Variants in NPIPB2 observed in about 807,000 individuals in gnomAD.
NPIPB2 encodes nuclear pore complex-interacting protein family member B2.
NPIPB2 carries 27 observed loss-of-function variants against 30.8 expected under a neutral mutation model. That is an observed-to-expected ratio of 0.88 (90% CI 0.65 to 1.21). The LOEUF is 1.21. Ranked by LOEUF, NPIPB2 falls within the 50% of genes most tolerant of loss-of-function variation. The pLI, the probability that NPIPB2 is intolerant of heterozygous loss-of-function variation, is 0.00. For synonymous variants in NPIPB2, 147 were observed against 162.0 expected, an observed-to-expected ratio of 0.91 and a Z score of 0.70; for missense variants, 440 against 446.2, an observed-to-expected ratio of 0.99 and a Z score of 0.13.
At chr16:11,956,563 C>T (rs910368170) in intron 1 of NPIPB2, among the ~76,000 whole-genome samples, 4 of 152,150 alleles carry the variant, frequency 2.6e-5, no homozygotes, top group Non-Finnish European at 4.4e-5. Flanking sequence ...GTAGTCCTAG[C>T]TACTTAGGAG....
chr16:11,970,322 CCT>C (rs1267326182), intron 1 of NPIPB2, among the ~76,000 whole-genome samples: 10 of 152,148 alleles, frequency 6.6e-5, no homozygotes, highest in Non-Finnish European at 1.5e-4. Flanking sequence ...AAACAATTCC[CCT>C]GTCTCAGCCT....
intron 2 of NPIPB2, 149 bp from the exon 3 acceptor site, chr16:11,934,073 A>G: frequency 3.0e-6 from 2 of 669,772 alleles, no homozygotes; most frequent in Admixed American, 4.9e-5. Context: ...TCTACTAAAA[A>G]TACAAAAATT....
intron 1 of NPIPB2, among the ~76,000 whole-genome samples, chr16:11,960,480 C>T (rs2055145454): frequency 6.6e-6 from 1 of 151,794 alleles, no homozygotes; most frequent in African/African-American, 2.4e-5. Context: ...CCTCAGGCTC[C>T]CACGTAGCTA....
At chr16:11,962,619 A>C (rs972315537) in intron 1 of NPIPB2, among the ~76,000 whole-genome samples, 1 of 150,986 alleles carries the variant, frequency 6.6e-6, no homozygotes, top group Non-Finnish European at 1.5e-5. Context: ...CTCAAAAAAA[A>C]AAAAAAAAAA....
chr16:11,967,891 T>A, intron 1 of NPIPB2: 1 of 1,591,432 alleles, frequency 6.3e-7, no homozygotes, highest in Non-Finnish European at 8.6e-7. Flanking sequence ...AAATCTTTTG[T>A]CAGAATAGAT....
At chr16:11,976,505 G>A in intron 1 of NPIPB2, 1 of 339,686 alleles carries the variant, frequency 2.9e-6, no homozygotes, top group Non-Finnish European at 5.3e-6. Flanking sequence ...ACCTCAGGAA[G>A]GCAGGGGAGG....
chr16:11,933,839 C>A (rs762507683), exon 3 of NPIPB2: 19 of 1,584,044 alleles, frequency 1.2e-5, no homozygotes, highest in South Asian at 9.9e-5. Flanking sequence ...CTGTCTACGG[C>A]GGTTGGACCT....
At chr16:11,965,255 T>C in intron 1 of NPIPB2, 1 of 1,585,542 alleles carries the variant, frequency 6.3e-7, no homozygotes, top group Non-Finnish European at 8.6e-7. Flanking sequence ...TGCTCTGGAA[T>C]TCTTGTAGAG....
At chr16:11,959,851 C>T (rs922624320) in intron 1 of NPIPB2, among the ~76,000 whole-genome samples, 2 of 152,152 alleles carry the variant, frequency 1.3e-5, no homozygotes, top group Non-Finnish European at 2.9e-5. Context: ...CCATGGTTCA[C>T]TGTAGCCTCA....
intron 1 of NPIPB2, among the ~76,000 whole-genome samples, chr16:11,953,203 T>G (rs1026790300): frequency 2.6e-5 from 4 of 152,182 alleles, no homozygotes; most frequent in African/African-American, 7.2e-5. Flanking sequence ...TGGAGTGCAG[T>G]GGCGCAATGT....
chr16:11,948,282 C>CTG (rs1247690477), intron 1 of NPIPB2, among the ~76,000 whole-genome samples: 1 of 152,088 alleles, frequency 6.6e-6, no homozygotes, highest in African/African-American at 2.4e-5. Flanking sequence ...TCCTAATGAA[C>CTG]TGTGGATCCT....
At chr16:11,967,515 C>A in intron 1 of NPIPB2, 1 of 1,560,572 alleles carries the variant, frequency 6.4e-7, no homozygotes, top group Non-Finnish European at 8.7e-7. Context: ...CTAAGACTCT[C>A]ATGACCACAT....
At chr16:11,951,393 A>C (rs907579689) in intron 1 of NPIPB2, among the ~76,000 whole-genome samples, 86 of 141,628 alleles carry the variant, frequency 6.1e-4, no homozygotes, top group African/African-American at 2.2e-3. Context: ...GAACCTGGGA[A>C]GCGGAGCTTG....
intron 1 of NPIPB2, chr16:11,967,418 G>C (rs1158996683): frequency 9.2e-6 from 7 of 757,928 alleles, no homozygotes; most frequent in Non-Finnish European, 1.3e-5. Context: ...CCAGGAGTTT[G>C]AATGCAGCCT....
chr16:11,962,935 C>A (rs1419459775), intron 1 of NPIPB2, among the ~76,000 whole-genome samples: 1 of 151,844 alleles, frequency 6.6e-6, no homozygotes, highest in African/African-American at 2.4e-5. Context: ...GGCATGATGG[C>A]GCATGCCTGT....
At chr16:11,971,440 A>AGGGGGGGG (rs2055234944) in intron 1 of NPIPB2, among the ~76,000 whole-genome samples, 1 of 45,384 alleles carries the variant, frequency 2.2e-5, no homozygotes, top group Non-Finnish European at 4.1e-5. Flanking sequence ...GGTATGGGGG[A>AGGGGGGGG]GTGGGGTGGT....
intron 1 of NPIPB2, among the ~76,000 whole-genome samples, chr16:11,947,343 T>A (rs895776842): frequency 1.4e-5 from 2 of 147,826 alleles, no homozygotes; most frequent in Admixed American, 6.8e-5. Flanking sequence ...TATATTTATT[T>A]ATTTATTATT....
At chr16:11,973,309 G>T (rs950893263) in intron 1 of NPIPB2, among the ~76,000 whole-genome samples, 1 of 152,126 alleles carries the variant, frequency 6.6e-6, no homozygotes, top group African/African-American at 2.4e-5. Context: ...GCCAAGAGGC[G>T]GGCTTCATTC....
chr16:11,965,069 T>C, intron 1 of NPIPB2: 4 of 506,014 alleles, frequency 7.9e-6, no homozygotes, highest in Non-Finnish European at 7.0e-6. Flanking sequence ...TCAGATGTGA[T>C]ATGCCCTGAT....
Sources: gnomAD v4.1 joint callset for allele counts (sites outside exome capture counted in the v4.1 genomes callset) on GRCh38, gnomAD v4.1.1 for gene constraint, MANE v1.5 for transcripts, NCBI Gene and HGNC (gene_info 2026-07-23, HGNC 2026-07-21) for gene names.